The following GRIA3 variants were observed in gnomAD, a reference collection of about 807,000 sequenced individuals.
GRIA3 encodes the protein glutamate ionotropic receptor AMPA type subunit 3, also known as glutamate receptor 3.
GRIA3 carries 3 observed loss-of-function variants against 63.0 expected under a neutral mutation model. That is an observed-to-expected ratio of 0.05 (90% confidence interval 0.02 to 0.12). The LOEUF (loss-of-function observed/expected upper bound fraction) is 0.12. GRIA3 is among the 10% of genes least tolerant of loss of function. GRIA3 has a pLI of 1.00. For missense variants in GRIA3, 347 were observed against 700.9 expected (o/e 0.50, Z 5.70); for synonymous variants, 274 against 257.9 (o/e 1.06, Z -0.60).
intron 6 of GRIA3, among the ~76,000 whole-genome samples, 156 bp downstream of exon 6, chrX:123,395,285 G>A (rs192051420): frequency 8.9e-6 from 1 of 112,397 alleles, no homozygotes; most frequent in East Asian, 2.8e-4. Context: ...TATTGCATTT[G>A]AAAACTAAAC....
intron 4 of GRIA3, among the ~76,000 whole-genome samples, chrX:123,341,320 G>A (rs776754515): frequency 5.4e-5 from 6 of 112,010 alleles, no homozygotes; most frequent in East Asian, 2.8e-4. Context: ...TCCACATTGC[G>A]TTATGATTTT....
rs1019146684 is a variant in GRIA3 at position 123,326,102 on chromosome X, C to T, written c.585C>T (p.Asn195=). The change falls in exon 4 of 16, where the codon AAC becomes AAT. Residue 195 remains asparagine (N), a synonymous_variant. Transcript: ENST00000620443. ...AAGTAACAGCAAGGTCTGTGGGAAA[C>T]ATAAAGGACGTCCAAGAATTCAGGC... ...NWQVTARSVG[N]IKDVQEFRRI... 5 of 1,207,095 alleles carry T rather than the reference C, an allele frequency of 4.1e-6. No individual in the cohort carries two copies. The highest frequency in any genetic ancestry group is 1.7e-5 in the African/African-American group (1 of 57,657).
rs1432767247 is a variant in GRIA3, at chrX:123,303,241, T to A, written c.509-22785T>A. Among the ~76,000 whole-genome samples the A allele has an allele frequency of 6.3e-5, 7 of 111,099 alleles. No homozygotes were observed. In the Admixed American group the frequency reaches 6.7e-4, roughly 11 times the overall value. On this transcript the variant is annotated intron_variant, in intron 3 of 15. Coordinates refer to ENST00000620443, the MANE Select transcript of GRIA3 (RefSeq NM_007325.5). Reference sequence around the variant, plus strand: ...ACTAACCAAACAAGTCATAAAATCATTCACTTGTTTTTAGAGCAGTGCTTT... The same window carrying A: ...ACTAACCAAACAAGTCATAAAATCAATCACTTGTTTTTAGAGCAGTGCTTT...
intron 10 of GRIA3, among the ~76,000 whole-genome samples, chrX:123,414,486 A>G (rs1325579446): frequency 1.8e-5 from 2 of 111,199 alleles, no homozygotes; most frequent in Non-Finnish European, 3.8e-5. Flanking sequence ...GGTTTGTTAC[A>G]TAGGTATACA....
intron 2 of GRIA3, among the ~76,000 whole-genome samples, chrX:123,193,226 A>G (rs1927485352): frequency 9.2e-6 from 1 of 109,066 alleles, no homozygotes. Flanking sequence ...AGGCAGGTTC[A>G]GCGAGGAAGT....
At chrX:123,381,116 T>C (rs1477970781) in intron 5 of GRIA3, among the ~76,000 whole-genome samples, 2 of 112,014 alleles carry the variant, frequency 1.8e-5, no homozygotes, top group Non-Finnish European at 3.8e-5. Flanking sequence ...TATCTATATA[T>C]TTTATTCTCA....
rs769562701 is a variant in GRIA3 at position 123,338,474 on chromosome X, G to A, written c.696+12261G>A. Among the ~76,000 whole-genome samples the A allele has an allele frequency of 2.6e-4, 29 of 112,225 alleles. 1 individual carries two copies. The highest frequency in any genetic ancestry group is 1.1e-4 in the Non-Finnish European group (6 of 53,268). The stretch of plus-strand genomic sequence containing the variant: ...CCTGCTATGGTTCTTAGCACTCAGT[G>A]ACCTACAGGTCATACTCTTTGTTAC... On this transcript the variant is annotated intron_variant, in intron 4 of 15. Transcript: ENST00000620443.
Position 123,451,054 on chromosome X carries a change from C to T in GRIA3, c.2077-13811C>T, listed in dbSNP as rs1323900127. 3.6e-5 allele frequency among the ~76,000 whole-genome samples: 4 copies of T among 110,798 alleles called. No homozygotes were observed. In the South Asian group the frequency reaches 1.2e-3, roughly 32 times the overall value. ...GATGAGAGCAGTGAAGAAGACAAAC[C>T]GTGGTAAAAATTCTGGATTATATTC... On this transcript the variant is annotated intron_variant, in intron 12 of 15. Coordinates refer to ENST00000620443, the MANE Select transcript of GRIA3 (RefSeq NM_007325.5).
intron 3 of GRIA3, among the ~76,000 whole-genome samples, chrX:123,292,014 C>A (rs181973172): frequency 5.4e-5 from 6 of 111,007 alleles, no homozygotes; most frequent in Non-Finnish European, 1.1e-4. Flanking sequence ...TGAAGCTACT[C>A]CAGAGGGATA....
intron 10 of GRIA3, 119 bp from the exon 11 acceptor site, chrX:123,417,283 T>C (rs1224952525): frequency 5.0e-6 from 3 of 601,204 alleles, no homozygotes; most frequent in Non-Finnish European, 8.0e-6. Context: ...GATAATTCAA[T>C]TGGTTGTAAA....
At chrX:123,407,362 A>C (rs772534849) in intron 10 of GRIA3, among the ~76,000 whole-genome samples, 1 of 111,550 alleles carries the variant, frequency 9.0e-6, no homozygotes, top group Admixed American at 9.5e-5. Flanking sequence ...TGACTATCTT[A>C]GTTTGTTTGG....
intron 2 of GRIA3, among the ~76,000 whole-genome samples, chrX:123,209,865 TGACA>T (rs1195166354): frequency 9.0e-6 from 1 of 111,006 alleles, no homozygotes; most frequent in African/African-American, 3.3e-5. Context: ...TCAAAAATAA[TGACA>T]GACAGATTAC....
At chrX:123,198,375 G>C (rs1156573731) in intron 2 of GRIA3, among the ~76,000 whole-genome samples, 1 of 112,162 alleles carries the variant, frequency 8.9e-6, no homozygotes, top group African/African-American at 3.2e-5. Context: ...TTATAAAGTT[G>C]TTGTGAAGAT....
chrX:123,325,314 TTC>T (rs1388802062), intron 3 of GRIA3, among the ~76,000 whole-genome samples: 2 of 111,834 alleles, frequency 1.8e-5, no homozygotes, highest in Non-Finnish European at 1.9e-5. Flanking sequence ...ATCAGATCTT[TTC>T]TCTTTTTCTC....
intron 2 of GRIA3, among the ~76,000 whole-genome samples, chrX:123,224,100 T>A (rs1017421995): frequency 8.9e-6 from 1 of 112,008 alleles, no homozygotes; most frequent in African/African-American, 3.2e-5. Flanking sequence ...GGCACATCTA[T>A]AACTATTTGA....
chrX:123,199,091 G>A (rs1927653016), intron 2 of GRIA3, among the ~76,000 whole-genome samples: 1 of 111,020 alleles, frequency 9.0e-6, no homozygotes, highest in African/African-American at 3.3e-5. Context: ...GCCTAAGTCA[G>A]ATTGAAAATA....
At chrX:123,327,935 C>A (rs1426416118) in intron 4 of GRIA3, among the ~76,000 whole-genome samples, 1 of 111,712 alleles carries the variant, frequency 9.0e-6, no homozygotes, top group Non-Finnish European at 1.9e-5. Context: ...AAATTTTATA[C>A]CAAAATAGCC....
intron 3 of GRIA3, among the ~76,000 whole-genome samples, chrX:123,273,531 T>C (rs902537956): frequency 5.4e-5 from 6 of 111,975 alleles, no homozygotes; most frequent in African/African-American, 1.9e-4. Flanking sequence ...TAGGTCTGAC[T>C]CTAAGATCTG....
chrX:123,231,978 G>A (rs189867878), intron 2 of GRIA3, among the ~76,000 whole-genome samples: 139 of 111,674 alleles, frequency 1.2e-3, no homozygotes, highest in Non-Finnish European at 2.0e-3. Flanking sequence ...ATACACCAAG[G>A]CAGATAATCA....
Sources: allele counts gnomAD v4.1 joint callset (sites outside exome capture counted in the v4.1 genomes callset), GRCh38; gene constraint gnomAD v4.1.1; transcripts MANE v1.5; gene names NCBI Gene and HGNC (gene_info 2026-07-23, HGNC 2026-07-21).